Variants in ZNF721 observed in about 807,000 individuals in gnomAD.
The protein encoded by ZNF721 is zinc finger protein 721.
A neutral mutation model predicts 2.4 loss-of-function variants in ZNF721; 2 were observed. The observed-to-expected ratio is 0.82, with a 90% CI of 0.34 to 2.58. The LOEUF is 2.58. Ranked by LOEUF, ZNF721 falls within the 30% of genes most tolerant of loss-of-function variation. The pLI, the probability that ZNF721 is intolerant of heterozygous loss-of-function variation, is 0.11. For missense variants in ZNF721, 1,187 were observed against 1,085.5 expected, an observed-to-expected ratio of 1.09 and a Z score of -1.31; for synonymous variants, 398 against 381.8, an observed-to-expected ratio of 1.04 and a Z score of -0.50.
At chr4:473,893 G>A (rs1715545947) in intron 1 of ZNF721, 1 of 1,437,062 alleles carries the variant, frequency 7.0e-7, no homozygotes, top group East Asian at 3.4e-5. Flanking sequence ...CGGGGACTCC[G>A]TTCGCAGACT....
intron 1 of ZNF721, among the ~76,000 whole-genome samples, chr4:494,301 C>T (rs1009244604): frequency 3.3e-5 from 5 of 151,388 alleles, no homozygotes; most frequent in African/African-American, 4.8e-5. Context: ...CCTGCTGCAA[C>T]CTCCCGAGTA....
At chr4:474,006 G>T in intron 1 of ZNF721, 1 of 1,504,538 alleles carries the variant, frequency 6.6e-7, no homozygotes, top group Non-Finnish European at 9.0e-7. Flanking sequence ...AGGGTGTCGC[G>T]AAGTCTTAGC....
chr4:460,478 A>C (rs1472769479), intron 2 of ZNF721, among the ~76,000 whole-genome samples: 5 of 152,342 alleles, frequency 3.3e-5, no homozygotes, highest in African/African-American at 9.6e-5. Flanking sequence ...CCCACAAAAG[A>C]AAGCAGAAAA....
chr4:480,994 T>C (rs868964397), intron 1 of ZNF721, among the ~76,000 whole-genome samples: 1 of 152,120 alleles, frequency 6.6e-6, no homozygotes, highest in Admixed American at 6.6e-5. Context: ...GTGATAATGG[T>C]CACTGCAGCC....
intron 1 of ZNF721, among the ~76,000 whole-genome samples, chr4:492,486 C>T (rs1034680269): frequency 1.1e-4 from 16 of 152,004 alleles, no homozygotes; most frequent in African/African-American, 3.9e-4. Flanking sequence ...AAATCGATCC[C>T]TTAAGAAAAT....
chr4:446,782 T>C (rs1714489677), intron 2 of ZNF721, among the ~76,000 whole-genome samples: 1 of 151,798 alleles, frequency 6.6e-6, no homozygotes, highest in South Asian at 2.1e-4. Flanking sequence ...CAACCTCCCC[T>C]CCTGGGTTCA....
At chr4:468,334 G>GCAGGAGAATCGCTTGAAC (rs1715320967) in intron 2 of ZNF721, among the ~76,000 whole-genome samples, 1 of 151,818 alleles carries the variant, frequency 6.6e-6, no homozygotes, top group Non-Finnish European at 1.5e-5. Context: ...GGAGGCTGAG[G>GCAGGAGAATCGCTTGAAC]CAGGAGAATC....
At chr4:466,212 TA>T (rs57224690) in intron 2 of ZNF721, among the ~76,000 whole-genome samples, 61,552 of 151,946 alleles carry the variant, frequency 0.41, 12,889 homozygotes, top group African/African-American at 0.51. Flanking sequence ...AAAAAGGAAT[TA>T]AGACACTCTA....
At chr4:478,848 C>A (rs1409013677) in intron 1 of ZNF721, among the ~76,000 whole-genome samples, 1 of 151,074 alleles carries the variant, frequency 6.6e-6, no homozygotes, top group Admixed American at 6.6e-5. Context: ...CAGCTCGCTG[C>A]AACCTCTGCC....
At chr4:455,175 T>C (rs189172927) in intron 2 of ZNF721, among the ~76,000 whole-genome samples, 1 of 152,302 alleles carries the variant, frequency 6.6e-6, no homozygotes, top group East Asian at 1.9e-4. Context: ...TATACCTACA[T>C]TGCCATTTAC....
At chr4:454,031 C>G (rs1714758355) in intron 2 of ZNF721, 1 of 148,108 alleles carries the variant, frequency 6.8e-6, no homozygotes, top group African/African-American at 2.5e-5. Flanking sequence ...CTGGGTTTCT[C>G]CCACCAGACA....
chr4:474,622 A>G (rs1400408667), intron 1 of ZNF721, among the ~76,000 whole-genome samples: 2 of 152,188 alleles, frequency 1.3e-5, no homozygotes, highest in Non-Finnish European at 2.9e-5. Context: ...CACGCCAGTA[A>G]TCCCAAAGCT....
At chr4:472,771 A>G in intron 1 of ZNF721, 70 bp from the exon 2 acceptor site, 2 of 1,583,700 alleles carry the variant, frequency 1.3e-6, no homozygotes, top group Non-Finnish European at 1.7e-6. Flanking sequence ...TAAGAGAACC[A>G]GTTCTGACAT....
chr4:470,794 A>C (rs1487160388), intron 2 of ZNF721, among the ~76,000 whole-genome samples: 1 of 152,122 alleles, frequency 6.6e-6, no homozygotes, highest in Non-Finnish European at 1.5e-5. Flanking sequence ...AGGCCAAGAG[A>C]TCGAGACCAT....
intron 2 of ZNF721, among the ~76,000 whole-genome samples, chr4:471,283 A>G (rs1715424430): frequency 6.6e-6 from 1 of 152,240 alleles, no homozygotes; most frequent in South Asian, 2.1e-4. Flanking sequence ...TAACACCTTG[A>G]AGAAATATCT....
In ZNF721 at chr4:449,211, C is replaced by T. The variant is rs1467713431; in HGVS notation, c.35-4779G>A. ...AAAATATATGATTGTAAAGTTTCAGCATTTTTGAAAACAAAAATAATATCT... is the reference window on the plus strand; with the variant it reads ...AAAATATATGATTGTAAAGTTTCAGTATTTTTGAAAACAAAAATAATATCT... On this transcript the variant is annotated intron_variant, in intron 2 of 2. Transcript: ENST00000511833. Among the ~76,000 whole-genome samples the T allele has an allele frequency of 2.6e-5, 4 of 152,104 alleles. No individual in the cohort carries two copies. In the East Asian group the frequency reaches 7.7e-4, roughly 29 times the overall value.
In ZNF721 at chr4:444,156, G is replaced by C; in HGVS notation, c.311C>G (p.Thr104Ser). 13 of 1,614,090 alleles carry C rather than the reference G, an allele frequency of 8.1e-6. No homozygotes were observed. Among genetic ancestry groups the C allele is most frequent in the Non-Finnish European group, 1.1e-5 (13 of 1,179,964 alleles). ...ANSNKDKTRH[T>S]GEKHFKCNEC... Reference sequence around the variant, plus strand: ...GTTACATTTAAAGTGTTTCTCTCCAGTATGTCTTGTCTTATCTTTGTTTGA... The same window carrying C: ...GTTACATTTAAAGTGTTTCTCTCCACTATGTCTTGTCTTATCTTTGTTTGA... Residue 104 changes from threonine (T) to serine (S), a missense_variant, in exon 3 of 3, where the codon ACT becomes AGT. By Grantham distance (58) the Thr-to-Ser change is moderately conservative. Coordinates refer to ENST00000511833, the MANE Select transcript of ZNF721 (RefSeq NM_133474.4).
rs1258307451 is a variant in ZNF721 at position 475,186 on chromosome 4, CA to C, written c.-93-2486del. ...TGGGTGACAGAGCCAGACTCCGTCT[CA>C]AAAAAAAAAAGCTAGCTTTATCTAA... is the stretch of plus-strand genomic sequence containing the variant. On this transcript the variant is annotated intron_variant, in intron 1 of 2. Coordinates refer to ENST00000511833, the MANE Select transcript of ZNF721 (RefSeq NM_133474.4). Among the ~76,000 whole-genome samples, 99 of 138,232 alleles carry C rather than the reference CA, an allele frequency of 7.2e-4. 1 individual carries two copies. In the South Asian group the frequency reaches 9.4e-3, roughly 13 times the overall value. 90.7% of individuals were successfully genotyped at this position (138,232 alleles called of 152,430 possible).
rs782378292 is a variant in ZNF721 at position 442,718 on chromosome 4, T to A, written c.1749A>T (p.Lys583Asn). 6.2e-7 allele frequency: 1 copy of A among 1,614,220 alleles called. No homozygotes were observed. The highest frequency in any genetic ancestry group is 8.5e-7 in the Non-Finnish European group (1 of 1,180,036). ...TGCCACACTCTTCACATTTGTAAGG[T>A]TTCTCTCCAGTATGAATTCTCCTAT... ...YVHRRIHTGE[K>N]PYKCEECGKA... Residue 583 changes from lysine (K) to asparagine (N), a missense_variant, in exon 3 of 3, where the codon AAA becomes AAT. Lys to Asn is a moderately conservative substitution (Grantham distance 94). Coordinates refer to ENST00000511833, the MANE Select transcript of ZNF721 (RefSeq NM_133474.4).
Sources: gnomAD v4.1 joint callset for allele counts (sites outside exome capture counted in the v4.1 genomes callset) on GRCh38, gnomAD v4.1.1 for gene constraint, MANE v1.5 for transcripts, NCBI Gene and HGNC (gene_info 2026-07-23, HGNC 2026-07-21) for gene names.